Variants in MAML3 observed in about 807,000 individuals in gnomAD.
MAML3 encodes mastermind-like protein 3.
In MAML3, 27 loss-of-function variants were observed where a neutral mutation model predicts 101.9. That is an observed-to-expected ratio of 0.27 (90% confidence interval 0.20 to 0.37). MAML3 has a LOEUF of 0.37. MAML3 is among the 10% of genes least tolerant of loss of function. The pLI, the probability that MAML3 is intolerant of heterozygous loss-of-function variation, is 1.00. For synonymous variants in MAML3, 501 were observed against 555.9 expected (o/e 0.90, Z 1.39); for missense variants, 1,316 against 1,444.9 (o/e 0.91, Z 1.45).
intron 1 of MAML3, among the ~76,000 whole-genome samples, chr4:139,899,185 G>C (rs920817737): frequency 5.9e-5 from 9 of 152,120 alleles, no homozygotes; most frequent in African/African-American, 2.2e-4. Context: ...CTGACACTGT[G>C]AGGTTGGTGG....
At chr4:140,138,778 C>T (rs1239150859) in intron 1 of MAML3, among the ~76,000 whole-genome samples, 3 of 152,162 alleles carry the variant, frequency 2.0e-5, no homozygotes, top group Non-Finnish European at 4.4e-5. Context: ...TGCTTTGCCC[C>T]AGCTGGGGAC....
intron 1 of MAML3, among the ~76,000 whole-genome samples, chr4:140,030,442 C>T (rs559475586): frequency 3.9e-5 from 6 of 152,322 alleles, no homozygotes; most frequent in Admixed American, 3.9e-4. Context: ...AGACAAAATT[C>T]AGTTTTATTT....
intron 1 of MAML3, among the ~76,000 whole-genome samples, chr4:140,105,638 C>A (rs1470696654): frequency 6.6e-6 from 1 of 152,190 alleles, no homozygotes; most frequent in Non-Finnish European, 1.5e-5. Flanking sequence ...TAAAGTATAA[C>A]AAACAGCTGC....
rs767111297 is a variant in MAML3 at position 139,785,598 on chromosome 4, G to C, written c.2080-54931C>G. ...TGTTTGGAAAAATATCACCCAGCAC[G>C]AACAATATGGCTCCCCAGCGCCTGG... On this transcript the variant is annotated intron_variant, in intron 2 of 4. Coordinates refer to ENST00000509479, the MANE Select transcript of MAML3 (RefSeq NM_018717.5). The surrounding 1 kb of genome is among the most constrained non-coding windows in gnomAD (Gnocchi z 4.3). 2.0e-5 allele frequency among the ~76,000 whole-genome samples: 3 copies of C among 152,142 alleles called. No homozygotes were observed. The highest frequency in any genetic ancestry group is 7.2e-5 in the African/African-American group (3 of 41,434).
intron 1 of MAML3, among the ~76,000 whole-genome samples, chr4:139,944,995 C>T (rs990857695): frequency 6.6e-6 from 1 of 151,838 alleles, no homozygotes; most frequent in African/African-American, 2.4e-5. Flanking sequence ...AAGACACATG[C>T]ACACGTATGT....
intron 2 of MAML3, among the ~76,000 whole-genome samples, chr4:139,746,196 G>A (rs906873735): frequency 6.6e-6 from 1 of 152,112 alleles, no homozygotes; most frequent in East Asian, 1.9e-4. Flanking sequence ...CAACAGAAAT[G>A]GTATGTTATA....
At chr4:139,990,353 C>T (rs879284970) in intron 1 of MAML3, among the ~76,000 whole-genome samples, 248 of 133,140 alleles carry the variant, frequency 1.9e-3, no homozygotes, top group South Asian at 2.7e-3. Flanking sequence ...TTCAACAACT[C>T]TTCATGCTAA....
chr4:140,082,347 T>C (rs1005760956), intron 1 of MAML3, among the ~76,000 whole-genome samples: 1 of 152,186 alleles, frequency 6.6e-6, no homozygotes, highest in Admixed American at 6.5e-5. Flanking sequence ...TTTTCAGGCC[T>C]CGTCTAATTT....
chr4:139,966,427 A>T (rs1184929171), intron 1 of MAML3, among the ~76,000 whole-genome samples: 1 of 152,192 alleles, frequency 6.6e-6, no homozygotes, highest in Non-Finnish European at 1.5e-5. Context: ...TCATGTTAGA[A>T]AAATGGTGAA....
chr4:139,854,380 G>A (rs1039408779), intron 2 of MAML3, among the ~76,000 whole-genome samples: 2 of 150,406 alleles, frequency 1.3e-5, no homozygotes, highest in Admixed American at 1.3e-4. Context: ...CAAAATATGG[G>A]CTATAAACCT....
intron 1 of MAML3, among the ~76,000 whole-genome samples, chr4:140,056,364 T>C (rs202191663): frequency 6.1e-4 from 92 of 151,804 alleles, no homozygotes; most frequent in East Asian, 2.5e-3. Flanking sequence ...CTTTTCTTTT[T>C]TTTTTTTTTA....
At chr4:139,937,271 AC>A (rs1186923350) in intron 1 of MAML3, among the ~76,000 whole-genome samples, 3 of 152,136 alleles carry the variant, frequency 2.0e-5, no homozygotes, top group Non-Finnish European at 4.4e-5. Flanking sequence ...TTTACTCTTA[AC>A]CTCTTTCATA....
rs192910549 is a variant in MAML3 at position 139,823,085 on chromosome 4, A to G, written c.2079+66272T>C. ...TGTGTGGCTTTGTCTTTGGAATATC[A>G]CTGAGTGTTAAATAACTCATACTGC... On this transcript the variant is annotated intron_variant, in intron 2 of 4. Coordinates refer to ENST00000509479, the MANE Select transcript of MAML3 (RefSeq NM_018717.5). 1.5e-3 allele frequency among the ~76,000 whole-genome samples: 228 copies of G among 152,378 alleles called. 1 individual carries two copies. The highest frequency in any genetic ancestry group is 2.9e-3 in the Admixed American group (44 of 15,308).
At chr4:140,083,485 A>C (rs1235483531) in intron 1 of MAML3, among the ~76,000 whole-genome samples, 1 of 152,164 alleles carries the variant, frequency 6.6e-6, no homozygotes, top group Admixed American at 6.5e-5. Context: ...AGTCAGAAAA[A>C]CAGGAAGGAA....
chr4:139,869,696 C>A (rs1429678910), intron 2 of MAML3, among the ~76,000 whole-genome samples: 2 of 152,112 alleles, frequency 1.3e-5, no homozygotes, highest in Admixed American at 6.6e-5. Context: ...AAAAAAGAAA[C>A]CTTTATCTGA....
At chr4:139,904,540 G>A (rs1007671129) in intron 1 of MAML3, among the ~76,000 whole-genome samples, 2 of 152,200 alleles carry the variant, frequency 1.3e-5, no homozygotes, top group Non-Finnish European at 2.9e-5. Context: ...GGAGCACAAA[G>A]CACCACATGC....
intron 2 of MAML3, among the ~76,000 whole-genome samples, chr4:139,887,963 T>A (rs1560825249): frequency 6.6e-6 from 1 of 152,250 alleles, no homozygotes; most frequent in Admixed American, 6.5e-5. Flanking sequence ...AATGATATTT[T>A]TCTAGTAGCT....
At chr4:140,062,288 A>C (rs1451998245) in intron 1 of MAML3, among the ~76,000 whole-genome samples, 1 of 152,248 alleles carries the variant, frequency 6.6e-6, no homozygotes, top group Non-Finnish European at 1.5e-5. Flanking sequence ...CATGAAAATC[A>C]GACAGTTTAA....
chr4:139,792,904 C>T (rs1338350110), intron 2 of MAML3, among the ~76,000 whole-genome samples: 1 of 151,994 alleles, frequency 6.6e-6, no homozygotes, highest in Non-Finnish European at 1.5e-5. Context: ...ACCACCAGGC[C>T]AGGCTAATTT....
Sources: allele counts gnomAD v4.1 joint callset (sites outside exome capture counted in the v4.1 genomes callset), GRCh38; gene constraint gnomAD v4.1.1; non-coding constraint Gnocchi (gnomAD v3.1); transcripts MANE v1.5; gene names NCBI Gene and HGNC (gene_info 2026-07-23, HGNC 2026-07-21).